Variants in ADGRB3 observed in about 807,000 individuals in gnomAD.
The protein encoded by ADGRB3 is brain-specific angiogenesis inhibitor 3.
In ADGRB3, 37 loss-of-function variants were observed where a neutral mutation model predicts 193.4. The observed-to-expected ratio is 0.19, with a 90% CI of 0.15 to 0.25. The LOEUF is 0.25. ADGRB3 is among the 10% of genes least tolerant of loss of function. The pLI, the probability that ADGRB3 is intolerant of heterozygous loss-of-function variation, is 1.00. For synonymous variants in ADGRB3, 690 were observed against 644.2 expected, an observed-to-expected ratio of 1.07 and a Z score of -1.08; for missense variants, 1,637 against 1,852.9, an observed-to-expected ratio of 0.88 and a Z score of 2.14.
At chr6:68,835,243 C>G (rs1223355969) in intron 3 of ADGRB3, among the ~76,000 whole-genome samples, 2 of 152,084 alleles carry the variant, frequency 1.3e-5, no homozygotes, top group Non-Finnish European at 2.9e-5. Flanking sequence ...TTTGCTGAAC[C>G]TCACAGAGGG....
intron 17 of ADGRB3, among the ~76,000 whole-genome samples, chr6:69,175,957 T>C (rs892607283): frequency 7.9e-5 from 12 of 152,212 alleles, no homozygotes; most frequent in African/African-American, 2.9e-4. Flanking sequence ...TATTGGTGTA[T>C]AGAAATGCTA....
chr6:68,897,234 C>T (rs543099988), intron 3 of ADGRB3, among the ~76,000 whole-genome samples: 31 of 151,752 alleles, frequency 2.0e-4, no homozygotes, highest in Non-Finnish European at 4.1e-4. Context: ...GTGACTTAGG[C>T]CTGCAATGCC....
At chr6:69,259,764 G>A (rs538297077) in intron 20 of ADGRB3, among the ~76,000 whole-genome samples, 12 of 149,570 alleles carry the variant, frequency 8.0e-5, no homozygotes, top group South Asian at 2.1e-4. Flanking sequence ...TTCTCTATTC[G>A]CAATAAGATC....
intron 26 of ADGRB3, among the ~76,000 whole-genome samples, chr6:69,350,492 T>C (rs1414225285): frequency 1.3e-5 from 2 of 152,156 alleles, no homozygotes; most frequent in African/African-American, 4.8e-5. Context: ...TGTGCCATAA[T>C]TTATCTTAAA....
intron 17 of ADGRB3, among the ~76,000 whole-genome samples, chr6:69,228,101 C>A (rs910393830): frequency 6.6e-6 from 1 of 151,936 alleles, no homozygotes; most frequent in African/African-American, 2.4e-5. Context: ...ACTAAAAATA[C>A]AAAAAATGAG....
intron 8 of ADGRB3, among the ~76,000 whole-genome samples, chr6:68,964,145 G>T (rs943345490): frequency 1.3e-5 from 2 of 152,114 alleles, no homozygotes; most frequent in African/African-American, 4.8e-5. Flanking sequence ...TCACATATAT[G>T]ATTTTTTATA....
intron 20 of ADGRB3, among the ~76,000 whole-genome samples, chr6:69,241,732 C>G (rs1245691330): frequency 1.3e-5 from 2 of 151,836 alleles, no homozygotes; most frequent in African/African-American, 4.8e-5. Flanking sequence ...TAGCTTCTCC[C>G]CAAGTAATTA....
chr6:68,752,177 A>G (rs1402690614), intron 3 of ADGRB3, among the ~76,000 whole-genome samples: 1 of 152,174 alleles, frequency 6.6e-6, no homozygotes, highest in Non-Finnish European at 1.5e-5. Context: ...ATTACAAGAA[A>G]TCAAAATTGA....
chr6:68,866,969 C>T (rs1348207258), intron 3 of ADGRB3, among the ~76,000 whole-genome samples: 1 of 152,092 alleles, frequency 6.6e-6, no homozygotes, highest in East Asian at 1.9e-4. Flanking sequence ...TGTTCAAAAG[C>T]AGAGTATAAA....
chr6:69,087,620 A>G (rs898620945), intron 17 of ADGRB3, among the ~76,000 whole-genome samples: 15 of 152,136 alleles, frequency 9.9e-5, no homozygotes, highest in African/African-American at 3.6e-4. Context: ...CATCCAATAA[A>G]TTTCTGTTGT....
At chr6:68,950,398 T>C (rs1767883851) in intron 6 of ADGRB3, among the ~76,000 whole-genome samples, 1 of 152,178 alleles carries the variant, frequency 6.6e-6, no homozygotes, top group African/African-American at 2.4e-5. Context: ...TCTAGTTCAT[T>C]GTTTATTAAA....
rs186715344 is a variant in ADGRB3 at position 68,840,715 on chromosome 6, G to T, written c.758-89844G>T. On this transcript the variant is annotated intron_variant, in intron 3 of 31. Transcript: ENST00000370598. ...AACAAACAAACAAACAAACAAAACA[G>T]AAATTAATAACAAAAAGGCAGGAGT... 4.8e-4 allele frequency among the ~76,000 whole-genome samples: 65 copies of T among 135,228 alleles called. 1 individual carries two copies. Among genetic ancestry groups the T allele is most frequent in the African/African-American group, 1.7e-3 (61 of 36,778 alleles). 88.7% of individuals were successfully genotyped at this position (135,228 alleles called of 152,430 possible).
intron 3 of ADGRB3, among the ~76,000 whole-genome samples, chr6:68,909,106 A>G (rs1045009810): frequency 2.0e-5 from 3 of 152,174 alleles, no homozygotes; most frequent in African/African-American, 7.2e-5. Context: ...TCTTTGCACT[A>G]TTAGGTAATG....
At chr6:69,281,941 T>C (rs1400148490) in intron 20 of ADGRB3, among the ~76,000 whole-genome samples, 1 of 152,152 alleles carries the variant, frequency 6.6e-6, no homozygotes, top group Admixed American at 6.5e-5. Flanking sequence ...GATTTGGGCA[T>C]GTCAGTGGGA....
chr6:68,923,491 C>T lies in ADGRB3; in HGVS notation c.758-7068C>T, dbSNP rs1360579276. Among the ~76,000 whole-genome samples, 5 of 151,894 alleles carry T rather than the reference C, an allele frequency of 3.3e-5. No individual in the cohort carries two copies. In the East Asian group the frequency reaches 9.6e-4, roughly 29 times the overall value. On this transcript the variant is annotated intron_variant, in intron 3 of 31. Transcript: ENST00000370598. ...AGCAACCATTAATCAAATCTTTAAC[C>T]TTCAATTGTAGGGTAGCATTTATTT...
In ADGRB3 at chr6:68,784,004, G is replaced by A. The variant is rs530441629; in HGVS notation, c.757+144572G>A. Among the ~76,000 whole-genome samples the A allele has an allele frequency of 6.6e-5, 10 of 152,134 alleles. No individual in the cohort carries two copies. In the South Asian group the frequency reaches 2.1e-3, roughly 32 times the overall value. On this transcript the variant is annotated intron_variant, in intron 3 of 31. Transcript: ENST00000370598. ...TCTTAATAAGAGACTGGAGATATTT[G>A]AGAGGAAGATTTTTCTATAAATGCT...
chr6:69,206,907 G>T (rs546551919), intron 17 of ADGRB3, among the ~76,000 whole-genome samples: 1 of 152,256 alleles, frequency 6.6e-6, no homozygotes, highest in Admixed American at 6.5e-5. Flanking sequence ...TGGGTCATTT[G>T]TAGTCCTGGA....
At chr6:69,135,044 A>T (rs1198975119) in intron 17 of ADGRB3, among the ~76,000 whole-genome samples, 1 of 152,014 alleles carries the variant, frequency 6.6e-6, no homozygotes, top group Non-Finnish European at 1.5e-5. Flanking sequence ...TCTGAGGGGT[A>T]TAAATTTCAA....
intron 17 of ADGRB3, among the ~76,000 whole-genome samples, chr6:69,098,815 G>T (rs548471098): frequency 6.6e-6 from 1 of 152,016 alleles, no homozygotes; most frequent in Non-Finnish European, 1.5e-5. Flanking sequence ...CATATGAAAT[G>T]ATAACCTTTT....
Sources: allele counts gnomAD v4.1 joint callset (sites outside exome capture counted in the v4.1 genomes callset), GRCh38; gene constraint gnomAD v4.1.1; transcripts MANE v1.5; gene names NCBI Gene and HGNC (gene_info 2026-07-23, HGNC 2026-07-21).